The following MSRA variants were observed in gnomAD, a reference collection of about 807,000 sequenced individuals.
MSRA encodes mitochondrial peptide methionine sulfoxide reductase.
A neutral mutation model predicts 31.3 loss-of-function variants in MSRA; 54 were observed. The observed-to-expected ratio is 1.73, with a 90% CI of 1.39 to 2.17. MSRA has a LOEUF of 2.17. Among genes scored for constraint, MSRA ranks in the 30% most tolerant of loss-of-function variants. The pLI is 0.00. For missense variants in MSRA, 507 were observed against 300.9 expected (o/e 1.69, Z -5.07); for synonymous variants, 169 against 116.5 (o/e 1.45, Z -2.90).
intron 1 of MSRA, among the ~76,000 whole-genome samples, chr8:10,152,401 C>G (rs756023427): frequency 1.3e-5 from 2 of 152,054 alleles, no homozygotes; most frequent in African/African-American, 2.4e-5. Flanking sequence ...AGACCGAGAG[C>G]CAGTGTGTGT....
intron 5 of MSRA, among the ~76,000 whole-genome samples, chr8:10,331,410 C>A (rs1011241186): frequency 6.6e-6 from 1 of 152,182 alleles, no homozygotes. Context: ...GAATGTTGTA[C>A]GGCTTTTCGG....
intron 1 of MSRA, among the ~76,000 whole-genome samples, chr8:10,097,003 C>G (rs570841178): frequency 1.1e-4 from 17 of 152,302 alleles, no homozygotes; most frequent in Non-Finnish European, 2.2e-4. Context: ...GCCCCTGGAT[C>G]TGTGCTTTTG....
chr8:10,162,314 C>T (rs991321185), intron 1 of MSRA, among the ~76,000 whole-genome samples: 1 of 152,138 alleles, frequency 6.6e-6, no homozygotes, highest in African/African-American at 2.4e-5. Context: ...AAAGGGACTC[C>T]AGAGATGTCT....
At position 10,132,263 on chromosome 8, in the gene MSRA, A is replaced by G. The variant is rs182428911; in HGVS notation, c.143-75570A>G. On this transcript the variant is annotated intron_variant, in intron 1 of 5. Transcript: ENST00000317173. ...TTTGGACTTTCAGATGACTTATTTG[A>G]CATTAGCAATGTTAGATTCTTGCTC... Among the ~76,000 whole-genome samples the G allele has an allele frequency of 2.0e-5, 3 of 152,318 alleles. No individual in the cohort carries two copies. The East Asian group carries it at 5.8e-4, about 29-fold the overall frequency.
intron 2 of MSRA, among the ~76,000 whole-genome samples, chr8:10,215,447 C>T (rs551355453): frequency 2.6e-5 from 4 of 152,314 alleles, no homozygotes; most frequent in South Asian, 2.1e-4. Context: ...GACAGGTGCT[C>T]CCTGGCAGAC....
At chr8:10,316,491 G>C (rs1435886529) in intron 4 of MSRA, among the ~76,000 whole-genome samples, 1 of 150,656 alleles carries the variant, frequency 6.6e-6, no homozygotes, top group Non-Finnish European at 1.5e-5. Flanking sequence ...CCTGGACATA[G>C]TGAGAACTAT....
At chr8:10,421,372 G>A (rs1808801044) in intron 5 of MSRA, among the ~76,000 whole-genome samples, 1 of 152,178 alleles carries the variant, frequency 6.6e-6, no homozygotes, top group African/African-American at 2.4e-5. Flanking sequence ...AAACACTGTT[G>A]TTCTGGACAA....
chr8:10,194,309 G>T (rs955413306), intron 1 of MSRA, among the ~76,000 whole-genome samples: 7 of 152,204 alleles, frequency 4.6e-5, no homozygotes, highest in African/African-American at 1.7e-4. Flanking sequence ...GCTCCTGCCT[G>T]TAATCCCAGC....
intron 1 of MSRA, among the ~76,000 whole-genome samples, chr8:10,163,107 T>A (rs1271998801): frequency 1.3e-5 from 2 of 152,078 alleles, no homozygotes; most frequent in South Asian, 2.1e-4. Context: ...GAGGACACAA[T>A]GGGAGGTTGA....
intron 1 of MSRA, among the ~76,000 whole-genome samples, chr8:10,113,821 C>T (rs765323023): frequency 6.6e-6 from 1 of 151,768 alleles, no homozygotes; most frequent in Non-Finnish European, 1.5e-5. Context: ...AATTCACATA[C>T]TGTAGAGTTC....
chr8:10,189,849 A>G (rs1807360554), intron 1 of MSRA, among the ~76,000 whole-genome samples: 1 of 152,178 alleles, frequency 6.6e-6, no homozygotes, highest in Admixed American at 6.5e-5. Flanking sequence ...ATGAGCTGGG[A>G]AAGGTTCCCC....
chr8:10,321,698 G>T (rs1017260372), intron 5 of MSRA, among the ~76,000 whole-genome samples: 1 of 152,216 alleles, frequency 6.6e-6, no homozygotes, highest in African/African-American at 2.4e-5. Flanking sequence ...CCGCGTGAGA[G>T]ATGGTAGGGG....
intron 1 of MSRA, among the ~76,000 whole-genome samples, chr8:10,206,574 C>A (rs1808995950): frequency 6.6e-6 from 1 of 152,206 alleles, no homozygotes; most frequent in Non-Finnish European, 1.5e-5. Context: ...CATTGCTTCT[C>A]AAAATAGCAC....
chr8:10,299,385 A>G (rs1440355316), intron 3 of MSRA, among the ~76,000 whole-genome samples: 1 of 152,102 alleles, frequency 6.6e-6, no homozygotes, highest in African/African-American at 2.4e-5. Flanking sequence ...ACAAAATAAT[A>G]TGTTCTACTA....
At chr8:10,147,550 C>T (rs553913701) in intron 1 of MSRA, among the ~76,000 whole-genome samples, 9 of 152,306 alleles carry the variant, frequency 5.9e-5, no homozygotes, top group South Asian at 2.1e-4. Context: ...CTACGGGTGA[C>T]GCCAACCAAC....
chr8:10,161,915 GT>G (rs1350893086), intron 1 of MSRA, among the ~76,000 whole-genome samples: 1 of 152,174 alleles, frequency 6.6e-6, no homozygotes, highest in African/African-American at 2.4e-5. Flanking sequence ...TACACCACTT[GT>G]TTTGCCCACT....
chr8:10,301,063 A>C (rs1283018332), intron 3 of MSRA, among the ~76,000 whole-genome samples: 1 of 152,202 alleles, frequency 6.6e-6, no homozygotes, highest in African/African-American at 2.4e-5. Context: ...TCTCATGTGA[A>C]CGAGTGATCA....
chr8:10,340,333 C>T (rs1000461074), intron 5 of MSRA, among the ~76,000 whole-genome samples: 21 of 152,242 alleles, frequency 1.4e-4, no homozygotes, highest in East Asian at 9.7e-4. Flanking sequence ...CCGAATTCCA[C>T]GTATGGTGGC....
chr8:10,399,558 C>T (rs930495465), intron 5 of MSRA, among the ~76,000 whole-genome samples: 1 of 152,196 alleles, frequency 6.6e-6, no homozygotes, highest in Non-Finnish European at 1.5e-5. Flanking sequence ...CCCCCTGAGG[C>T]CTCACCAGAA....
Sources: gnomAD v4.1 joint callset for allele counts (sites outside exome capture counted in the v4.1 genomes callset) on GRCh38, gnomAD v4.1.1 for gene constraint, MANE v1.5 for transcripts, NCBI Gene and HGNC (gene_info 2026-07-23, HGNC 2026-07-21) for gene names.